RAB3C: variants seen among roughly 807,000 people sequenced by gnomAD.
The protein encoded by RAB3C is ras-related protein Rab-3C.
Under a neutral mutation model 26.4 loss-of-function variants are expected in RAB3C, and 17 were observed. That is an observed-to-expected ratio of 0.64 (90% CI 0.44 to 0.97). The LOEUF (loss-of-function observed/expected upper bound fraction) is 0.97. Among genes scored for constraint, RAB3C ranks in the 50% least tolerant of loss-of-function variants. RAB3C has a pLI of 0.00. For synonymous variants in RAB3C, 91 were observed against 95.9 expected (o/e 0.95, Z 0.30); for missense variants, 242 against 281.9 (o/e 0.86, Z 1.01).
intron 3 of RAB3C, among the ~76,000 whole-genome samples, chr5:58,765,705 C>A (rs192864949): frequency 2.6e-5 from 4 of 152,154 alleles, no homozygotes; most frequent in African/African-American, 7.2e-5. Flanking sequence ...TGTGTGGATG[C>A]ATCATCCATC....
intron 2 of RAB3C, among the ~76,000 whole-genome samples, chr5:58,659,490 A>C (rs924362915): frequency 2.0e-5 from 3 of 152,122 alleles, no homozygotes; most frequent in Non-Finnish European, 4.4e-5. Flanking sequence ...TTTTTATATC[A>C]CTCATTTGCC....
chr5:58,795,043 C>G (rs1052576133), intron 3 of RAB3C, among the ~76,000 whole-genome samples: 1 of 152,170 alleles, frequency 6.6e-6, no homozygotes, highest in Non-Finnish European at 1.5e-5. Context: ...GTGGGAGACA[C>G]CCGGTGGGAG....
At chr5:58,797,350 AAAAATATG>A (rs1250250612) in intron 3 of RAB3C, among the ~76,000 whole-genome samples, 4 of 10,776 alleles carry the variant, frequency 3.7e-4, no homozygotes, top group Admixed American at 1.1e-3. Flanking sequence ...AAAAAAAAAA[AAAAATATG>A]TATATATATA....
At chr5:58,704,568 A>G (rs1339947036) in intron 2 of RAB3C, among the ~76,000 whole-genome samples, 2 of 152,154 alleles carry the variant, frequency 1.3e-5, no homozygotes, top group African/African-American at 4.8e-5. Flanking sequence ...AAAGATACAC[A>G]AAAGAAATGC....
chr5:58,594,902 T>A (rs1194242295), intron 1 of RAB3C, among the ~76,000 whole-genome samples: 3 of 150,904 alleles, frequency 2.0e-5, no homozygotes, highest in Admixed American at 6.7e-5. Context: ...CCTTACTAGA[T>A]ATTTTTAGGA....
intron 3 of RAB3C, among the ~76,000 whole-genome samples, chr5:58,771,991 G>A (rs1372667761): frequency 1.3e-5 from 2 of 151,966 alleles, no homozygotes; most frequent in African/African-American, 4.8e-5. Context: ...AATGGAAATA[G>A]AAAAGAGCAA....
intron 3 of RAB3C, among the ~76,000 whole-genome samples, chr5:58,807,954 G>A (rs540765252): frequency 2.0e-5 from 3 of 152,132 alleles, no homozygotes; most frequent in Non-Finnish European, 2.9e-5. Flanking sequence ...TGCCAGGTGC[G>A]GTGGCTCACA....
intron 1 of RAB3C, among the ~76,000 whole-genome samples, chr5:58,609,939 C>T (rs1348158832): frequency 1.3e-5 from 2 of 151,972 alleles, no homozygotes; most frequent in Admixed American, 6.6e-5. Flanking sequence ...CTGGTTCCTG[C>T]AAGAGCAAAC....
At position 58,745,392 on chromosome 5, in the gene RAB3C, CAAAAAAAAAAA is replaced by C. The variant is rs1173604247; in HGVS notation, c.371+19289_371+19299del. On this transcript the variant is annotated intron_variant, in intron 3 of 4. Coordinates refer to ENST00000282878, the MANE Select transcript of RAB3C (RefSeq NM_138453.4). ...GCCTGGGCTGAGCGAGACTCTGCTT[CAAAAAAAAAAA>C]AAAAAAAAAAAAAAAAGAAAGTAGA... is the stretch of plus-strand genomic sequence containing the variant. Among the ~76,000 whole-genome samples, 28 of 33,112 alleles carry C rather than the reference CAAAAAAAAAAA, an allele frequency of 8.5e-4. No individual in the cohort carries two copies. The East Asian group carries it at 0.019, about 23-fold the overall frequency. 21.7% of individuals were successfully genotyped at this position (33,112 alleles called of 152,430 possible). A position where few individuals can be genotyped will look rare whatever the true frequency, so the allele number is the denominator to read the frequency against.
At chr5:58,815,632 A>T (rs185095520) in intron 3 of RAB3C, 33 of 152,296 alleles carry the variant, frequency 2.2e-4, no homozygotes, top group African/African-American at 6.3e-4. Context: ...ATAAGATGGT[A>T]ATTTATTTTG....
intron 4 of RAB3C, among the ~76,000 whole-genome samples, chr5:58,835,332 C>A (rs560496572): frequency 6.6e-6 from 1 of 152,138 alleles, no homozygotes; most frequent in Non-Finnish European, 1.5e-5. Context: ...TCTTACTAAT[C>A]CAGATCTTAC....
At position 58,665,089 on chromosome 5, in the gene RAB3C, C is replaced by A. The variant is rs58710608; in HGVS notation, c.252+47219C>A. Among the ~76,000 whole-genome samples the A allele has an allele frequency of 2.6e-5, 4 of 152,270 alleles. No homozygotes were observed. In the East Asian group the frequency reaches 7.7e-4, roughly 29 times the overall value. On this transcript the variant is annotated intron_variant, in intron 2 of 4. Transcript: ENST00000282878. ...AATGTTATTTGCTAAAATATCACTT[C>A]CTGAAAAAGGACTTCCCTGACCAGT...
intron 3 of RAB3C, chr5:58,822,899 G>T (rs1743375595): frequency 1.6e-6 from 1 of 639,632 alleles, no homozygotes. Flanking sequence ...AGATTAATGT[G>T]ATGTGGAAAG....
chr5:58,676,636 A>G (rs1372377472), intron 2 of RAB3C, among the ~76,000 whole-genome samples: 2 of 152,126 alleles, frequency 1.3e-5, no homozygotes, highest in Non-Finnish European at 2.9e-5. Flanking sequence ...GGCAGAGTTC[A>G]GTTTTGATCA....
At chr5:58,846,467 C>A (rs886849786) in intron 4 of RAB3C, among the ~76,000 whole-genome samples, 5 of 152,142 alleles carry the variant, frequency 3.3e-5, no homozygotes, top group African/African-American at 7.2e-5. Flanking sequence ...GCAGCCTTGA[C>A]CTCCCAGGCT....
intron 2 of RAB3C, among the ~76,000 whole-genome samples, chr5:58,680,027 G>A (rs1748313874): frequency 1.3e-5 from 2 of 151,964 alleles, no homozygotes; most frequent in Admixed American, 1.3e-4. Context: ...TAAATGATTG[G>A]GGGCCAAAAT....
At chr5:58,582,892 G>A, upstream of RAB3C, 2 of 452,958 alleles carry the variant, frequency 4.4e-6, no homozygotes, top group Non-Finnish European at 7.6e-6. Context: ...AAGGAGTAGG[G>A]AGGCTCCGCG....
In RAB3C at chr5:58,787,685, A is replaced by C. The variant is rs1742422732; in HGVS notation, c.372-37353A>C. ...ATCACCTTTAGATACCATGAATAAT[A>C]AGCACAGTAAAAGTAACACTAATGA... is the stretch of plus-strand genomic sequence containing the variant. On this transcript the variant is annotated intron_variant, in intron 3 of 4. Coordinates refer to ENST00000282878, the MANE Select transcript of RAB3C (RefSeq NM_138453.4). Among the ~76,000 whole-genome samples, 4 of 152,286 alleles carry C rather than the reference A, an allele frequency of 2.6e-5. No individual in the cohort carries two copies. The South Asian group carries it at 8.3e-4, about 32-fold the overall frequency.
intron 1 of RAB3C, among the ~76,000 whole-genome samples, chr5:58,616,176 A>G (rs1357474429): frequency 1.3e-5 from 2 of 152,206 alleles, no homozygotes; most frequent in Admixed American, 6.5e-5. Flanking sequence ...TAGACTCTCT[A>G]GCCTAGCATT....
Sources: allele counts gnomAD v4.1 joint callset (sites outside exome capture counted in the v4.1 genomes callset), GRCh38; gene constraint gnomAD v4.1.1; transcripts MANE v1.5; gene names NCBI Gene and HGNC (gene_info 2026-07-23, HGNC 2026-07-21).